The following FTO variants were observed in gnomAD, a reference collection of about 807,000 sequenced individuals.
The protein encoded by FTO is FTO alpha-ketoglutarate dependent dioxygenase.
In FTO, 47 loss-of-function variants were observed where a neutral mutation model predicts 63.9. The ratio of observed to expected loss-of-function variants is 0.74; its 90% confidence interval spans 0.58 to 0.94. FTO has a LOEUF of 0.94. Among genes scored for constraint, FTO ranks in the 40% least tolerant of loss-of-function variants. The pLI is 0.00. For synonymous variants in FTO, 207 were observed against 224.4 expected (o/e 0.92, Z 0.69); for missense variants, 562 against 618.1 (o/e 0.91, Z 0.96).
At chr16:53,793,685 C>T (rs1204482273) in intron 1 of FTO, among the ~76,000 whole-genome samples, 2 of 152,090 alleles carry the variant, frequency 1.3e-5, no homozygotes, top group African/African-American at 4.8e-5. Context: ...ATGGCGTGAA[C>T]GCGGGAGACG....
chr16:54,107,001 C>T (rs1016654495), intron 8 of FTO, among the ~76,000 whole-genome samples: 10 of 144,466 alleles, frequency 6.9e-5, no homozygotes, highest in African/African-American at 2.5e-4. Flanking sequence ...ATTCACATTA[C>T]ATATTATATA....
chr16:53,801,272 G>A (rs2078213821), intron 1 of FTO, among the ~76,000 whole-genome samples: 1 of 150,844 alleles, frequency 6.6e-6, no homozygotes, highest in Non-Finnish European at 1.5e-5. Flanking sequence ...AGGGTTTCTG[G>A]TATCCATCTT....
At position 53,826,297 on chromosome 16, in the gene FTO, A is replaced by G. The variant is rs1227337046; in HGVS notation, c.557A>G (p.Asn186Ser). 6.2e-7 allele frequency: 1 copy of G among 1,614,128 alleles called. No homozygotes were observed. The highest frequency in any genetic ancestry group is 8.5e-7 in the Non-Finnish European group (1 of 1,179,952). The change falls in exon 3 of 9, where the codon AAC (asparagine) becomes AGC (serine). Residue 186 changes from asparagine (N) to serine (S), a missense_variant. Transcript: ENST00000471389. ...FPRVGMGSSYNGQDEVDIKSR... is the reference protein window; with the variant it reads ...FPRVGMGSSYSGQDEVDIKSR... ...AGGGTTGGGATGGGTTCATCCTACAACGGACAAGATGAAGTGGACATTAAG... is the reference window on the plus strand; with the variant it reads ...AGGGTTGGGATGGGTTCATCCTACAGCGGACAAGATGAAGTGGACATTAAG...
chr16:54,054,313 C>T (rs1377240383), intron 8 of FTO, among the ~76,000 whole-genome samples: 3 of 152,132 alleles, frequency 2.0e-5, no homozygotes, highest in African/African-American at 7.2e-5. Context: ...CTCAATTCAA[C>T]TAGAAACTGT....
chr16:53,734,957 A>G (rs2076357483), intron 1 of FTO, among the ~76,000 whole-genome samples: 2 of 152,266 alleles, frequency 1.3e-5, no homozygotes, highest in South Asian at 4.1e-4. Context: ...TGCAAGGGAG[A>G]CTGGGAAAAG....
At chr16:53,941,746 G>A (rs2082534647) in intron 8 of FTO, among the ~76,000 whole-genome samples, 2 of 152,182 alleles carry the variant, frequency 1.3e-5, no homozygotes, top group African/African-American at 4.8e-5. Context: ...TACTTGGGAG[G>A]CTGAGGTAGG....
intron 8 of FTO, among the ~76,000 whole-genome samples, chr16:54,057,219 T>C (rs2085456623): frequency 6.6e-6 from 1 of 152,246 alleles, no homozygotes; most frequent in Non-Finnish European, 1.5e-5. Context: ...AGCTTAGCTG[T>C]AGACAGTTCC....
At chr16:53,913,809 TC>T (rs2081780555) in intron 7 of FTO, among the ~76,000 whole-genome samples, 1 of 151,934 alleles carries the variant, frequency 6.6e-6, no homozygotes, top group Non-Finnish European at 1.5e-5. Flanking sequence ...TGAAACCCTA[TC>T]TCTACTAAAA....
intron 7 of FTO, among the ~76,000 whole-genome samples, chr16:53,889,724 T>C (rs2081099436): frequency 6.6e-6 from 1 of 151,738 alleles, no homozygotes; most frequent in Admixed American, 6.6e-5. Context: ...AGGCCAGAAG[T>C]CAGGTGTGAC....
chr16:53,704,101 G>A, upstream of FTO: 2 of 1,337,856 alleles, frequency 1.5e-6, no homozygotes, highest in Non-Finnish European at 2.1e-6. Flanking sequence ...GGAGCAGGAC[G>A]CTGAGAGAAC....
intron 4 of FTO, among the ~76,000 whole-genome samples, chr16:53,848,208 A>G (rs1190802819): frequency 6.6e-6 from 1 of 152,190 alleles, no homozygotes; most frequent in Admixed American, 6.5e-5. Context: ...AAATAGCACA[A>G]GGAGCCCCGT....
At chr16:53,747,102 A>G (rs1006819786) in intron 1 of FTO, among the ~76,000 whole-genome samples, 1 of 152,174 alleles carries the variant, frequency 6.6e-6, no homozygotes, top group African/African-American at 2.4e-5. Flanking sequence ...TTGTCCATTC[A>G]TCTGTTGATG....
At chr16:53,999,876 G>A (rs2084028887) in intron 8 of FTO, 1 of 152,212 alleles carries the variant, frequency 6.6e-6, no homozygotes, top group Admixed American at 6.5e-5. Flanking sequence ...ACTCTGGATT[G>A]ACAGACATTC....
chr16:53,917,796 A>C (rs888098930), intron 7 of FTO, among the ~76,000 whole-genome samples: 7 of 151,710 alleles, frequency 4.6e-5, no homozygotes, highest in Non-Finnish European at 1.0e-4. Context: ...GCCGAGTAGC[A>C]GGTAGTTCTG....
Position 53,713,223 on chromosome 16 carries a change from T to C in FTO, c.45+8994T>C, listed in dbSNP as rs367636443. 5.3e-5 allele frequency among the ~76,000 whole-genome samples: 8 copies of C among 152,232 alleles called. No individual in the cohort carries two copies. In the East Asian group the frequency reaches 9.6e-4, roughly 18 times the overall value. On this transcript the variant is annotated intron_variant, in intron 1 of 8. Transcript: ENST00000471389. ...AAACAAGACTCTTCTGTTCAACACA[T>C]ACTTTAGCAACTGTCAACACTTGTT...
At position 53,984,321 on chromosome 16, in the gene FTO, C is replaced by CTTTTTTT. The variant is rs5816913; in HGVS notation, c.1364+50233_1364+50239dup. 8.9e-5 allele frequency among the ~76,000 whole-genome samples: 6 copies of CTTTTTTT among 67,292 alleles called. 1 individual carries two copies. Among genetic ancestry groups the CTTTTTTT allele is most frequent in the African/African-American group, 1.7e-4 (3 of 17,956 alleles). 44.1% of individuals were successfully genotyped at this position (67,292 alleles called of 152,430 possible). ...CCTCTATCCCTCCCTTGGAATGGGTCTTTTTTTTTTTTTTTTTTTTTTTTT... is the reference window on the plus strand; with the variant it reads ...CCTCTATCCCTCCCTTGGAATGGGTCTTTTTTTTTTTTTTTTTTTTTTTTTTTTTTTT... On this transcript the variant is annotated intron_variant, in intron 8 of 8. Transcript: ENST00000471389.
chr16:54,024,079 A>G (rs1262731017), intron 8 of FTO, among the ~76,000 whole-genome samples: 1 of 151,912 alleles, frequency 6.6e-6, no homozygotes, highest in Non-Finnish European at 1.5e-5. Flanking sequence ...ATTAGGAATA[A>G]TGCTGCAATA....
At chr16:53,719,565 C>A (rs1383486723) in intron 1 of FTO, among the ~76,000 whole-genome samples, 1 of 147,284 alleles carries the variant, frequency 6.8e-6, no homozygotes, top group East Asian at 2.0e-4. Flanking sequence ...TTTCCATCTT[C>A]TTTTAAATTA....
chr16:53,851,458 CAAA>C (rs35951870), intron 4 of FTO, among the ~76,000 whole-genome samples: 1 of 114,590 alleles, frequency 8.7e-6, no homozygotes. Flanking sequence ...GACTCCGTCT[CAAA>C]AAAAAAAAAA....
Sources: allele counts gnomAD v4.1 joint callset (sites outside exome capture counted in the v4.1 genomes callset), GRCh38; gene constraint gnomAD v4.1.1; transcripts MANE v1.5; gene names NCBI Gene and HGNC (gene_info 2026-07-23, HGNC 2026-07-21).